The following AP1M1 variants were observed in gnomAD, a reference collection of about 807,000 sequenced individuals.
AP1M1 encodes adaptor related protein complex 1 subunit mu 1.
In AP1M1, 18 loss-of-function variants were observed where a neutral mutation model predicts 57.1. The ratio of observed to expected loss-of-function variants is 0.32; its 90% CI spans 0.22 to 0.47. The LOEUF is 0.47. AP1M1 is among the 20% of genes least tolerant of loss of function. The pLI, the probability that AP1M1 is intolerant of heterozygous loss-of-function variation, is 1.00. For missense variants in AP1M1, 362 were observed against 593.5 expected, an observed-to-expected ratio of 0.61 and a Z score of 4.05; for synonymous variants, 241 against 237.9, an observed-to-expected ratio of 1.01 and a Z score of -0.12.
chr19:16,223,266 G>A (rs1399417226), intron 5 of AP1M1, among the ~76,000 whole-genome samples: 1 of 152,102 alleles, frequency 6.6e-6, no homozygotes, highest in African/African-American at 2.4e-5. Flanking sequence ...GGTCATTCTG[G>A]GACCCGAGTG....
chr19:16,225,281 C>T (rs1325487648), intron 5 of AP1M1, among the ~76,000 whole-genome samples: 1 of 152,250 alleles, frequency 6.6e-6, no homozygotes, highest in Non-Finnish European at 1.5e-5. Context: ...GAAATGCAGG[C>T]CCTGCACATG....
At chr19:16,217,380 G>T (rs954485673) in intron 5 of AP1M1, among the ~76,000 whole-genome samples, 1 of 152,114 alleles carries the variant, frequency 6.6e-6, no homozygotes, top group Non-Finnish European at 1.5e-5. Context: ...GTTGGGGAAG[G>T]GTGGGCTAGG....
chr19:16,239,239 C>CTTTTTTTTTTTTT lies in AP1M1; in HGVS notation c.*4832_*4844dup, dbSNP rs71178661. ...TGAGCCACCGCGCCCGGCCAGTTCT[C>CTTTTTTTTTTTTT]TTTTTTTTTTTTTTTTTTTTTTTTT... On this transcript the variant is annotated 3_prime_UTR_variant, in exon 12 of 12. Transcript: ENST00000291439. The CTTTTTTTTTTTTT allele has an allele frequency of 1.8e-4, 7 of 39,284 alleles. 1 individual carries two copies. The highest frequency in any genetic ancestry group is 5.3e-4 in the African/African-American group (6 of 11,282). The allele number at this position is 39,284 out of a possible 1,614,324, so 2.4% of individuals were successfully genotyped here.
intron 5 of AP1M1, among the ~76,000 whole-genome samples, chr19:16,222,713 T>C (rs1439976289): frequency 6.6e-6 from 1 of 152,072 alleles, no homozygotes; most frequent in East Asian, 1.9e-4. Flanking sequence ...GTTCAAGTGA[T>C]CTTCCCATCT....
At chr19:16,221,244 A>G (rs995692858) in intron 5 of AP1M1, among the ~76,000 whole-genome samples, 1 of 152,212 alleles carries the variant, frequency 6.6e-6, no homozygotes, top group Non-Finnish European at 1.5e-5. Flanking sequence ...TATAAGTAAA[A>G]TGTTTATTCA....
At chr19:16,223,562 C>A (rs764968543) in intron 5 of AP1M1, among the ~76,000 whole-genome samples, 36 of 152,324 alleles carry the variant, frequency 2.4e-4, no homozygotes, top group Middle Eastern at 3.4e-3. Flanking sequence ...CACCACAGGG[C>A]CTGGGGCATG....
intron 9 of AP1M1, among the ~76,000 whole-genome samples, chr19:16,229,704 A>C (rs2091587790): frequency 1.3e-5 from 2 of 152,226 alleles, no homozygotes; most frequent in Non-Finnish European, 2.9e-5. Flanking sequence ...GTCTAATCAC[A>C]TGACATAAAA....
rs182817784 is a variant in AP1M1, at chr19:16,206,916, G to A, written c.267+508G>A. Among the ~76,000 whole-genome samples the A allele has an allele frequency of 7.2e-5, 11 of 152,346 alleles. No homozygotes were observed. The highest frequency in any genetic ancestry group is 2.6e-4 in the African/African-American group (11 of 41,580). Reference sequence around the variant, plus strand: ...GTGTATGTGTGGTGCAGCTAGGGAGGCCAGCGTGCGTGTGGCAGAGTATGA... The same window carrying A: ...GTGTATGTGTGGTGCAGCTAGGGAGACCAGCGTGCGTGTGGCAGAGTATGA... On this transcript the variant is annotated intron_variant, in intron 3 of 11. Transcript: ENST00000291439. The surrounding 1 kb of genome is among the most constrained non-coding windows in gnomAD (Gnocchi z 4.3).
rs1234077947 is a variant in AP1M1 at position 16,242,560 on chromosome 19, A to G, written c.*8125A>G. On this transcript the variant is annotated 3_prime_UTR_variant, in exon 12 of 12. Transcript: ENST00000291439. ...TTGAACTGAAATACAAAATCCTGTG[A>G]TATCCTGTTTATACGCGATACATCT... The G allele has an allele frequency of 6.6e-6, 1 of 152,198 alleles. No individual in the cohort carries two copies. Among genetic ancestry groups the G allele is most frequent in the Non-Finnish European group, 1.5e-5 (1 of 68,048 alleles). 9.4% of individuals were successfully genotyped at this position (152,198 alleles called of 1,614,324 possible).
rs755861073 is a variant in AP1M1 at position 16,224,513 on chromosome 19, GC to G, written c.547-1906del. Reference sequence around the variant, plus strand: ...CTGAGTGCAGCCTGGTACTTACACAGCCGGGCCCTGAGCAAGCATCCCTTCA... The same window carrying G: ...CTGAGTGCAGCCTGGTACTTACACAGCGGGCCCTGAGCAAGCATCCCTTCA... On this transcript the variant is annotated intron_variant, in intron 5 of 11. Transcript: ENST00000291439. Among the ~76,000 whole-genome samples the G allele has an allele frequency of 1.1e-4, 16 of 152,354 alleles. No homozygotes were observed. In the East Asian group the frequency reaches 2.9e-3, roughly 28 times the overall value.
At chr19:16,219,161 G>A (rs989457422) in intron 5 of AP1M1, among the ~76,000 whole-genome samples, 23 of 150,730 alleles carry the variant, frequency 1.5e-4, no homozygotes, top group African/African-American at 4.7e-4. Context: ...TCTTTTGGTT[G>A]TTAATATGGT....
intron 5 of AP1M1, among the ~76,000 whole-genome samples, chr19:16,210,706 C>T (rs910386060): frequency 2.6e-5 from 4 of 152,002 alleles, no homozygotes; most frequent in African/African-American, 7.3e-5. Context: ...ATTACAGGCA[C>T]CCACCACCAG....
rs558273639 is a variant in AP1M1, at chr19:16,217,499, G to A, written c.546+8322G>A. On this transcript the variant is annotated intron_variant, in intron 5 of 11. Transcript: ENST00000291439. The stretch of plus-strand genomic sequence containing the variant: ...CTGCAGTGGGAGCGGGGCTCAGGTG[G>A]GCTAGTGTGTCCATGGGGCCGCTGT... Among the ~76,000 whole-genome samples, 15 of 152,250 alleles carry A rather than the reference G, an allele frequency of 9.9e-5. No individual in the cohort carries two copies. The South Asian group carries it at 2.9e-3, about 29-fold the overall frequency.
Position 16,206,539 on chromosome 19 carries a change from G to A in AP1M1, c.267+131G>A. ...GGGAGCACTGGGGCTGGAAGCCCAG[G>A]AAGTGGGAAAGGGGAGTCCCAACTC... On this transcript the variant is annotated intron_variant, in intron 3 of 11. Coordinates refer to ENST00000291439, the MANE Select transcript of AP1M1 (RefSeq NM_032493.4). The surrounding 1 kb of genome is among the most constrained non-coding windows in gnomAD (Gnocchi z 4.3). 1.0e-6 allele frequency: 1 copy of A among 961,110 alleles called. No homozygotes were observed. Among genetic ancestry groups the A allele is most frequent in the Non-Finnish European group, 1.6e-6 (1 of 623,664 alleles). The allele number at this position is 961,110 out of a possible 1,614,324, so 59.5% of individuals were successfully genotyped here.
At chr19:16,218,502 A>C (rs2145128517) in intron 5 of AP1M1, among the ~76,000 whole-genome samples, 1 of 152,288 alleles carries the variant, frequency 6.6e-6, no homozygotes, top group Admixed American at 6.5e-5. Flanking sequence ...CCTGGTGCAC[A>C]GTAGCCCTGT....
At chr19:16,200,733 T>G (rs2091443538) in intron 1 of AP1M1, among the ~76,000 whole-genome samples, 1 of 152,226 alleles carries the variant, frequency 6.6e-6, no homozygotes, top group African/African-American at 2.4e-5. Flanking sequence ...TTTATCTAAC[T>G]GGCTTCTCAG....
Position 16,227,761 on chromosome 19 carries a change from C to A in AP1M1, c.816+71C>A. The A allele has an allele frequency of 6.4e-7, 1 of 1,555,904 alleles. No individual in the cohort carries two copies. Among genetic ancestry groups the A allele is most frequent in the South Asian group, 1.2e-5 (1 of 86,724 alleles). ...CCCTTCACCTCCAGGAGGTGAAGCCCAGGCAGGCGCCAGGGCCAGCCCCAC... is the reference window on the plus strand; with the variant it reads ...CCCTTCACCTCCAGGAGGTGAAGCCAAGGCAGGCGCCAGGGCCAGCCCCAC... On this transcript the variant is annotated intron_variant, in intron 7 of 11. Transcript: ENST00000291439. This position sits in a 1 kb window ranked among gnomAD's most constrained non-coding sequence, Gnocchi z 6.2.
intron 5 of AP1M1, among the ~76,000 whole-genome samples, chr19:16,218,517 G>C (rs1329351385): frequency 1.3e-5 from 2 of 152,270 alleles, no homozygotes; most frequent in East Asian, 3.9e-4. Flanking sequence ...CCCTGTGCAG[G>C]GTTCCCAGCC....
intron 9 of AP1M1, among the ~76,000 whole-genome samples, chr19:16,231,777 T>C (rs1037356856): frequency 1.3e-5 from 2 of 152,196 alleles, no homozygotes; most frequent in Non-Finnish European, 1.5e-5. Context: ...CCAGCTTCCA[T>C]TTGTTTTGGG....
Sources: allele counts gnomAD v4.1 joint callset (sites outside exome capture counted in the v4.1 genomes callset), GRCh38; gene constraint gnomAD v4.1.1; non-coding constraint Gnocchi (gnomAD v3.1); transcripts MANE v1.5; gene names NCBI Gene and HGNC (gene_info 2026-07-23, HGNC 2026-07-21).